Variants in CADPS2 observed in about 807,000 individuals in gnomAD.
The protein encoded by CADPS2 is calcium-dependent secretion activator 2.
Under a neutral mutation model 172.5 loss-of-function variants are expected in CADPS2, and 93 were observed. The observed-to-expected ratio is 0.54, with a 90% CI of 0.46 to 0.64. The LOEUF (loss-of-function observed/expected upper bound fraction) is 0.64, where lower values mean the gene tolerates loss of function less well. CADPS2 is among the 30% of genes least tolerant of loss of function. The probability of loss-of-function intolerance (pLI) is 0.00; values close to 1 mark genes in which losing one functional copy is unlikely to be tolerated. For missense variants in CADPS2, 1,420 were observed against 1,565.9 expected, an observed-to-expected ratio of 0.91 and a Z score of 1.57; for synonymous variants, 546 against 555.2, an observed-to-expected ratio of 0.98 and a Z score of 0.23.
At chr7:122,458,765 C>T (rs1458827603) in intron 14 of CADPS2, among the ~76,000 whole-genome samples, 1 of 152,132 alleles carries the variant, frequency 6.6e-6, no homozygotes, top group Admixed American at 6.6e-5. Context: ...TAACTGGCCT[C>T]TCCTGGGACC....
At chr7:122,729,000 C>G (rs1414281903) in intron 2 of CADPS2, among the ~76,000 whole-genome samples, 2 of 151,756 alleles carry the variant, frequency 1.3e-5, no homozygotes, top group African/African-American at 2.4e-5. Flanking sequence ...CATTACCCAA[C>G]CTCTCTTTAC....
chr7:122,594,246 G>A (rs2071378326), intron 6 of CADPS2, among the ~76,000 whole-genome samples: 1 of 151,792 alleles, frequency 6.6e-6, no homozygotes, highest in Admixed American at 6.6e-5. Flanking sequence ...ACCAGCTTGG[G>A]CAAAATAGTG....
intron 17 of CADPS2, among the ~76,000 whole-genome samples, chr7:122,437,966 A>C (rs56151803): frequency 0.015 from 2,239 of 152,256 alleles, 27 homozygotes; most frequent in Middle Eastern, 0.048. Context: ...ACAGAAAATA[A>C]AATTACATAA....
At chr7:122,363,624 T>C (rs904650553) in intron 25 of CADPS2, among the ~76,000 whole-genome samples, 2 of 151,908 alleles carry the variant, frequency 1.3e-5, no homozygotes. Flanking sequence ...TCTCTCTTCA[T>C]TGTACTTCTC....
intron 7 of CADPS2, among the ~76,000 whole-genome samples, chr7:122,561,201 G>A (rs1467360997): frequency 6.6e-6 from 1 of 152,040 alleles, no homozygotes; most frequent in Non-Finnish European, 1.5e-5. Context: ...GCTAAATTGA[G>A]TTCTTTTATT....
intron 14 of CADPS2, among the ~76,000 whole-genome samples, chr7:122,463,596 T>G (rs1363550227): frequency 2.0e-5 from 3 of 152,298 alleles, no homozygotes. Flanking sequence ...AGCCCTAAAC[T>G]CTTAGAAAAG....
intron 20 of CADPS2, among the ~76,000 whole-genome samples, chr7:122,396,573 G>A (rs1465944490): frequency 2.6e-5 from 4 of 152,164 alleles, no homozygotes; most frequent in Admixed American, 2.6e-4. Context: ...TCCAAGACCT[G>A]TCTACAAGTT....
chr7:122,484,318 T>C (rs1196791646), intron 11 of CADPS2, among the ~76,000 whole-genome samples: 1 of 152,108 alleles, frequency 6.6e-6, no homozygotes, highest in East Asian at 1.9e-4. Flanking sequence ...TTAAGATAGA[T>C]AAACTGACCA....
At chr7:122,777,499 T>C (rs1449976698) in intron 1 of CADPS2, among the ~76,000 whole-genome samples, 1 of 152,192 alleles carries the variant, frequency 6.6e-6, no homozygotes, top group Non-Finnish European at 1.5e-5. Flanking sequence ...TTAAACGGGC[T>C]ACAAGGTGAC....
intron 2 of CADPS2, among the ~76,000 whole-genome samples, chr7:122,692,398 G>A (rs545793684): frequency 5.3e-5 from 8 of 152,316 alleles, no homozygotes; most frequent in South Asian, 2.1e-4. Flanking sequence ...CAGGGACTGG[G>A]CATGCAATTC....
At chr7:122,348,565 C>T (rs1005427856) in intron 27 of CADPS2, among the ~76,000 whole-genome samples, 1 of 152,036 alleles carries the variant, frequency 6.6e-6, no homozygotes, top group Non-Finnish European at 1.5e-5. Context: ...AAATTAAGAT[C>T]CACTTGCCTA....
chr7:122,803,974 G>GAAAAAAAAAAAAAA (rs869246600), intron 1 of CADPS2, among the ~76,000 whole-genome samples: 17 of 85,130 alleles, frequency 2.0e-4, no homozygotes, highest in African/African-American at 7.3e-4. Context: ...GGCTTGAATG[G>GAAAAAAAAAAAAAA]AAAAAAAAAA....
At chr7:122,466,897 C>G (rs898705183) in intron 14 of CADPS2, among the ~76,000 whole-genome samples, 1 of 152,158 alleles carries the variant, frequency 6.6e-6, no homozygotes, top group African/African-American at 2.4e-5. Context: ...ATTTCCAACA[C>G]ACCAAGTCTT....
intron 2 of CADPS2, among the ~76,000 whole-genome samples, chr7:122,707,633 A>G (rs1588621169): frequency 6.6e-6 from 1 of 152,018 alleles, no homozygotes; most frequent in East Asian, 1.9e-4. Flanking sequence ...CACTACAACT[A>G]TGTATGTTTT....
At chr7:122,457,474 T>C (rs1397063754) in intron 14 of CADPS2, among the ~76,000 whole-genome samples, 1 of 152,170 alleles carries the variant, frequency 6.6e-6, no homozygotes, top group East Asian at 1.9e-4. Flanking sequence ...CAAAACACAT[T>C]GTAAGGAACA....
At chr7:122,706,064 A>AAT (rs1184466237) in intron 2 of CADPS2, among the ~76,000 whole-genome samples, 4 of 95,030 alleles carry the variant, frequency 4.2e-5, no homozygotes, top group African/African-American at 1.3e-4. Flanking sequence ...ATATTCAAGG[A>AAT]ATATATATAT....
At chr7:122,724,836 C>T (rs2137250645) in intron 2 of CADPS2, among the ~76,000 whole-genome samples, 1 of 152,038 alleles carries the variant, frequency 6.6e-6, no homozygotes, top group South Asian at 2.1e-4. Context: ...AATCATGAAC[C>T]TTTTGGCAGT....
intron 8 of CADPS2, among the ~76,000 whole-genome samples, chr7:122,518,423 ATTAAC>A (rs2060534834): frequency 6.6e-6 from 1 of 152,136 alleles, no homozygotes; most frequent in South Asian, 2.1e-4. Context: ...TTCAATAGCT[ATTAAC>A]TTGTCTTAAA....
chr7:122,371,810 C>G (rs1483779897), intron 25 of CADPS2, among the ~76,000 whole-genome samples: 1 of 152,002 alleles, frequency 6.6e-6, no homozygotes, highest in African/African-American at 2.4e-5. Context: ...GACAGGGACA[C>G]TAGGATGACG....
Sources: gnomAD v4.1 joint callset for allele counts (sites outside exome capture counted in the v4.1 genomes callset) on GRCh38, gnomAD v4.1.1 for gene constraint, MANE v1.5 for transcripts, NCBI Gene and HGNC (gene_info 2026-07-23, HGNC 2026-07-21) for gene names.